Variants in CDH13 observed in about 807,000 individuals in gnomAD.
CDH13 encodes the protein cadherin-13.
Under a neutral mutation model 63.8 loss-of-function variants are expected in CDH13, and 24 were observed. That is an observed-to-expected ratio of 0.38 (90% CI 0.27 to 0.53). The LOEUF (loss-of-function observed/expected upper bound fraction) is 0.53. CDH13 is among the 20% of genes least tolerant of loss of function. The pLI is 0.85. For missense variants in CDH13, 1,049 were observed against 903.1 expected (o/e 1.16, Z -2.07); for synonymous variants, 503 against 355.3 (o/e 1.42, Z -4.67).
chr16:83,534,614 C>T (rs990388134), intron 7 of CDH13, among the ~76,000 whole-genome samples: 3 of 152,172 alleles, frequency 2.0e-5, no homozygotes, highest in Admixed American at 6.5e-5. Flanking sequence ...TTGTAAGGTA[C>T]GTCATAGTGT....
intron 2 of CDH13, among the ~76,000 whole-genome samples, chr16:82,989,623 C>G (rs1597367753): frequency 1.3e-5 from 2 of 152,204 alleles, no homozygotes; most frequent in African/African-American, 4.8e-5. Context: ...ACAATGGAGA[C>G]TTTAATTTTC....
chr16:83,240,418 G>A (rs1904319930), intron 5 of CDH13, among the ~76,000 whole-genome samples: 1 of 152,096 alleles, frequency 6.6e-6, no homozygotes, highest in Non-Finnish European at 1.5e-5. Flanking sequence ...CAGATTGGAG[G>A]GGAATTCAGT....
rs1049722750 is a variant in CDH13 at position 83,797,817 on chromosome 16, C to A, written c.*2787C>A. ...TTCACTTCTTTTTATTAATACTCAACCAACTTAGTTGATTAAAAATCACAT... is the reference window on the plus strand; with the variant it reads ...TTCACTTCTTTTTATTAATACTCAAACAACTTAGTTGATTAAAAATCACAT... On this transcript the variant is annotated 3_prime_UTR_variant, in exon 14 of 14. Transcript: ENST00000567109. 4 of 152,176 alleles carry A rather than the reference C, an allele frequency of 2.6e-5. No homozygotes were observed. Among genetic ancestry groups the A allele is most frequent in the African/African-American group, 9.7e-5 (4 of 41,442 alleles). 9.4% of individuals were successfully genotyped at this position (152,176 alleles called of 1,614,324 possible). A position where few individuals can be genotyped will look rare whatever the true frequency, so the allele number is the denominator to read the frequency against.
At chr16:83,289,457 A>AT (rs937914516) in intron 5 of CDH13, among the ~76,000 whole-genome samples, 1 of 152,046 alleles carries the variant, frequency 6.6e-6, no homozygotes, top group Admixed American at 6.6e-5. Context: ...AGATATTGAT[A>AT]TTTTTTCAGC....
At chr16:83,222,739 AG>A (rs2039733540) in intron 5 of CDH13, among the ~76,000 whole-genome samples, 1 of 152,094 alleles carries the variant, frequency 6.6e-6, no homozygotes, top group Admixed American at 6.6e-5. Flanking sequence ...TAGTTTACAA[AG>A]GAAGAGATTT....
intron 10 of CDH13, among the ~76,000 whole-genome samples, chr16:83,727,220 C>A (rs1258685974): frequency 2.0e-5 from 3 of 152,086 alleles, no homozygotes; most frequent in Non-Finnish European, 4.4e-5. Context: ...AACCAGCTTC[C>A]TGTCTCTGTG....
intron 3 of CDH13, among the ~76,000 whole-genome samples, chr16:83,115,455 C>T (rs997731764): frequency 6.6e-6 from 1 of 152,234 alleles, no homozygotes; most frequent in African/African-American, 2.4e-5. Context: ...CAGGTTATGT[C>T]ATCTTGAGTC....
intron 7 of CDH13, among the ~76,000 whole-genome samples, chr16:83,593,063 G>T (rs1906913629): frequency 1.3e-5 from 2 of 152,290 alleles, no homozygotes; most frequent in African/African-American, 4.8e-5. Context: ...AACTCGTTCT[G>T]CTTCAGATAG....
At chr16:82,821,917 A>C (rs1431591448) in intron 1 of CDH13, among the ~76,000 whole-genome samples, 1 of 152,138 alleles carries the variant, frequency 6.6e-6, no homozygotes, top group Non-Finnish European at 1.5e-5. Flanking sequence ...TGGGGATTGC[A>C]CCTCCAGTGA....
chr16:82,700,258 A>G (rs968707648), intron 1 of CDH13, among the ~76,000 whole-genome samples: 2 of 152,210 alleles, frequency 1.3e-5, no homozygotes, highest in African/African-American at 4.8e-5. Context: ...AATGTGCAGC[A>G]GTTTCCAAAT....
chr16:83,211,763 C>A (rs886208291), intron 4 of CDH13, among the ~76,000 whole-genome samples: 6 of 151,956 alleles, frequency 3.9e-5, no homozygotes, highest in South Asian at 2.1e-4. Context: ...CACCTCCCCC[C>A]CCCAAACAGC....
intron 1 of CDH13, among the ~76,000 whole-genome samples, chr16:82,852,000 G>A (rs2039510239): frequency 6.6e-6 from 1 of 152,182 alleles, no homozygotes; most frequent in Non-Finnish European, 1.5e-5. Flanking sequence ...AGCAAAAAGA[G>A]TTGGAGAGAG....
intron 7 of CDH13, among the ~76,000 whole-genome samples, chr16:83,577,377 C>T (rs1905157880): frequency 6.6e-6 from 1 of 152,230 alleles, no homozygotes; most frequent in South Asian, 2.1e-4. Context: ...TGCCAATTAA[C>T]ATTTACTTGA....
Position 82,748,411 on chromosome 16 carries a change from T to C in CDH13, c.46-109951T>C, listed in dbSNP as rs369484412. Among the ~76,000 whole-genome samples the C allele has an allele frequency of 3.9e-5, 6 of 152,332 alleles. No homozygotes were observed. The East Asian group carries it at 7.7e-4, about 20-fold the overall frequency. ...CTGAGTTCTTAATCGTGTGTGTGAT[T>C]TGACAGTCAAGATGGGCTATGGGAA... is the stretch of plus-strand genomic sequence containing the variant. On this transcript the variant is annotated intron_variant, in intron 1 of 13. Coordinates refer to ENST00000567109, the MANE Select transcript of CDH13 (RefSeq NM_001257.5).
intron 2 of CDH13, among the ~76,000 whole-genome samples, chr16:82,951,310 C>T (rs1177880869): frequency 6.6e-6 from 1 of 152,158 alleles, no homozygotes. Context: ...GAAGAAGTGG[C>T]TTTTCATTGA....
intron 1 of CDH13, among the ~76,000 whole-genome samples, chr16:82,764,609 G>T (rs991019959): frequency 1.3e-5 from 2 of 152,156 alleles, no homozygotes; most frequent in Non-Finnish European, 2.9e-5. Flanking sequence ...CATAGTGAAG[G>T]CATGATGCCT....
chr16:83,229,100 G>C (rs1022136608), intron 5 of CDH13, among the ~76,000 whole-genome samples: 3 of 152,194 alleles, frequency 2.0e-5, no homozygotes, highest in Admixed American at 6.5e-5. Context: ...GCAGGATAAG[G>C]TGCTTGGATT....
chr16:83,482,839 C>T (rs1219687394), intron 6 of CDH13, among the ~76,000 whole-genome samples: 4 of 152,274 alleles, frequency 2.6e-5, no homozygotes, highest in East Asian at 1.9e-4. Flanking sequence ...AGAAGGGACC[C>T]GGTGAGAGAG....
At chr16:83,046,717 G>A (rs1242900233) in intron 3 of CDH13, among the ~76,000 whole-genome samples, 1 of 152,170 alleles carries the variant, frequency 6.6e-6, no homozygotes, top group African/African-American at 2.4e-5. Context: ...ACTTCAGACT[G>A]TCTTCCAAGC....
Sources: gnomAD v4.1 joint callset for allele counts (sites outside exome capture counted in the v4.1 genomes callset) on GRCh38, gnomAD v4.1.1 for gene constraint, MANE v1.5 for transcripts, NCBI Gene and HGNC (gene_info 2026-07-23, HGNC 2026-07-21) for gene names.